The following LRRC4C variants were observed in gnomAD, a reference collection of about 807,000 sequenced individuals.
LRRC4C encodes the protein leucine-rich repeat-containing protein 4C.
A neutral mutation model predicts 33.6 loss-of-function variants in LRRC4C; 5 were observed. The ratio of observed to expected loss-of-function variants is 0.15; its 90% CI spans 0.08 to 0.31. The LOEUF (loss-of-function observed/expected upper bound fraction) is 0.31, where lower values mean the gene tolerates loss of function less well. Ranked by LOEUF, LRRC4C falls within the 10% of genes least tolerant of loss-of-function variation. The pLI, the probability that LRRC4C is intolerant of heterozygous loss-of-function variation, is 1.00. For missense variants in LRRC4C, 560 were observed against 796.7 expected (o/e 0.70, Z 3.58); for synonymous variants, 329 against 302.0 (o/e 1.09, Z -0.93).
At chr11:41,300,909 G>A (rs1475334919) in intron 1 of LRRC4C, among the ~76,000 whole-genome samples, 2 of 152,078 alleles carry the variant, frequency 1.3e-5, no homozygotes, top group Non-Finnish European at 2.9e-5. Context: ...TTATTTTTAT[G>A]GTAGAGGCAG....
intron 1 of LRRC4C, among the ~76,000 whole-genome samples, chr11:41,256,238 A>C (rs1260722607): frequency 6.6e-6 from 1 of 151,968 alleles, no homozygotes; most frequent in Non-Finnish European, 1.5e-5. Context: ...AACATAACCA[A>C]GTATTGTGTT....
intron 5 of LRRC4C, among the ~76,000 whole-genome samples, chr11:40,150,533 C>T (rs763324283): frequency 2.0e-5 from 3 of 152,222 alleles, no homozygotes; most frequent in Non-Finnish European, 1.5e-5. Context: ...TAGCTTACTA[C>T]AGCCTCAAAC....
At chr11:40,242,816 A>G (rs1370453119) in intron 4 of LRRC4C, among the ~76,000 whole-genome samples, 1 of 152,158 alleles carries the variant, frequency 6.6e-6, no homozygotes. Context: ...CAGTAGCATC[A>G]TTATTATTGT....
chr11:40,222,626 T>C (rs1263748734), intron 5 of LRRC4C, among the ~76,000 whole-genome samples: 4 of 152,226 alleles, frequency 2.6e-5, no homozygotes, highest in African/African-American at 7.2e-5. Flanking sequence ...TTTACTTGAA[T>C]AAAGCAGTGG....
chr11:40,590,929 T>G (rs1177290981), intron 3 of LRRC4C, among the ~76,000 whole-genome samples: 1 of 138,762 alleles, frequency 7.2e-6, no homozygotes, highest in East Asian at 2.0e-4. Context: ...TGCTGTCTTT[T>G]TGTTTGTCTG....
rs754946516 is a variant in LRRC4C at position 41,294,806 on chromosome 11, T to A, written c.-496+164625A>T. On this transcript the variant is annotated intron_variant, in intron 1 of 6. Coordinates refer to ENST00000528697, the MANE Select transcript of LRRC4C (RefSeq NM_001258419.2). The stretch of plus-strand genomic sequence containing the variant: ...ATTAACAAGGATAAGGGTAATTGAG[T>A]CATAATGCACACTGTCTATAAAGTT... Among the ~76,000 whole-genome samples the A allele has an allele frequency of 1.2e-3, 186 of 152,156 alleles. 5 individuals carry two copies. The highest frequency in any genetic ancestry group is 4.4e-4 in the Non-Finnish European group (30 of 68,012).
chr11:40,539,966 T>C (rs1956635545), intron 3 of LRRC4C, among the ~76,000 whole-genome samples: 1 of 152,150 alleles, frequency 6.6e-6, no homozygotes, highest in African/African-American at 2.4e-5. Context: ...AACTTAAAAT[T>C]GTAATTTTTT....
intron 1 of LRRC4C, among the ~76,000 whole-genome samples, chr11:41,272,301 G>T (rs1949346392): frequency 6.6e-6 from 1 of 152,022 alleles, no homozygotes; most frequent in Non-Finnish European, 1.5e-5. Context: ...AAATAACTGG[G>T]GTGGGTGTTT....
chr11:40,424,853 T>G lies in LRRC4C; in HGVS notation c.-269-105132A>C, dbSNP rs148091273. Among the ~76,000 whole-genome samples, 68 of 152,346 alleles carry G rather than the reference T, an allele frequency of 4.5e-4. 1 individual carries two copies. Among genetic ancestry groups the G allele is most frequent in the African/African-American group, 1.5e-3 (64 of 41,586 alleles). ...GAAAAGTGAGGTTGGGTTTGGGACTTCGACGTTTTAATTTAGTCTTTTATA... is the reference window on the plus strand; with the variant it reads ...GAAAAGTGAGGTTGGGTTTGGGACTGCGACGTTTTAATTTAGTCTTTTATA... On this transcript the variant is annotated intron_variant, in intron 3 of 6. Transcript: ENST00000528697.
At chr11:41,302,278 A>G (rs1000101500) in intron 1 of LRRC4C, among the ~76,000 whole-genome samples, 1 of 152,232 alleles carries the variant, frequency 6.6e-6, no homozygotes, top group East Asian at 1.9e-4. Context: ...CTGTAACCTT[A>G]TTGAAGTGTT....
chr11:41,207,187 G>T (rs1014648630), intron 1 of LRRC4C, among the ~76,000 whole-genome samples: 43 of 152,120 alleles, frequency 2.8e-4, no homozygotes, highest in African/African-American at 9.9e-4. Context: ...AATTCTGGTT[G>T]CCAATTTACA....
intron 3 of LRRC4C, among the ~76,000 whole-genome samples, chr11:40,533,520 C>T (rs929445702): frequency 7.2e-5 from 11 of 152,042 alleles, no homozygotes; most frequent in African/African-American, 2.4e-4. Flanking sequence ...TCATTGTCAC[C>T]CTCCCGGAGC....
chr11:40,621,322 C>T (rs1272732595), intron 3 of LRRC4C, among the ~76,000 whole-genome samples: 1 of 151,512 alleles, frequency 6.6e-6, no homozygotes, highest in Non-Finnish European at 1.5e-5. Flanking sequence ...CCCTTGTCTA[C>T]ATCTCTAAGC....
At chr11:40,185,507 T>A (rs1263476552) in intron 5 of LRRC4C, among the ~76,000 whole-genome samples, 1 of 152,042 alleles carries the variant, frequency 6.6e-6, no homozygotes, top group Non-Finnish European at 1.5e-5. Flanking sequence ...CACTTATAAT[T>A]TAGTTAGGCA....
rs140197657 is a variant in LRRC4C, at chr11:40,452,727, C to T, written c.-269-133006G>A. ...AGTCATGCTGCTATAAAGACATATGCACATGTATGTTTACTGCAGCACTAT... is the reference window on the plus strand; with the variant it reads ...AGTCATGCTGCTATAAAGACATATGTACATGTATGTTTACTGCAGCACTAT... On this transcript the variant is annotated intron_variant, in intron 3 of 6. Transcript: ENST00000528697. 3.6e-4 allele frequency among the ~76,000 whole-genome samples: 55 copies of T among 152,278 alleles called. 2 individuals are homozygous for T. The highest frequency in any genetic ancestry group is 1.2e-3 in the African/African-American group (50 of 41,550).
chr11:40,382,291 CTTT>C (rs953975996), intron 3 of LRRC4C, among the ~76,000 whole-genome samples: 1 of 151,152 alleles, frequency 6.6e-6, no homozygotes, highest in Non-Finnish European at 1.5e-5. Context: ...CGTGTTTTTA[CTTT>C]TTTAATTTAA....
intron 5 of LRRC4C, among the ~76,000 whole-genome samples, chr11:40,161,114 A>C (rs534022760): frequency 6.6e-6 from 1 of 152,270 alleles, no homozygotes; most frequent in Non-Finnish European, 1.5e-5. Flanking sequence ...TTGGTTTATG[A>C]ATAAGTTTTA....
chr11:40,333,105 T>C (rs1414210013), intron 3 of LRRC4C, among the ~76,000 whole-genome samples: 1 of 152,148 alleles, frequency 6.6e-6, no homozygotes, highest in African/African-American at 2.4e-5. Context: ...AAAACAAAAA[T>C]AGCATAGAGA....
intron 1 of LRRC4C, among the ~76,000 whole-genome samples, chr11:40,940,149 C>T (rs1958078773): frequency 6.6e-6 from 1 of 152,144 alleles, no homozygotes; most frequent in Non-Finnish European, 1.5e-5. Context: ...CCTTTTTACT[C>T]TACCTCATTG....
Sources: allele counts gnomAD v4.1 joint callset (sites outside exome capture counted in the v4.1 genomes callset), GRCh38; gene constraint gnomAD v4.1.1; transcripts MANE v1.5; gene names NCBI Gene and HGNC (gene_info 2026-07-23, HGNC 2026-07-21).